Variants in LPP observed in about 807,000 individuals in gnomAD.
LPP encodes lipoma-preferred partner.
Under a neutral mutation model 60.4 loss-of-function variants are expected in LPP, and 38 were observed. The ratio of observed to expected loss-of-function variants is 0.63; its 90% CI spans 0.49 to 0.83. The LOEUF (loss-of-function observed/expected upper bound fraction) is 0.83, where lower values mean the gene tolerates loss of function less well. Among genes scored for constraint, LPP ranks in the 40% least tolerant of loss-of-function variants. The pLI is 0.00. For missense variants in LPP, 902 were observed against 783.6 expected, an observed-to-expected ratio of 1.15 and a Z score of -1.80; for synonymous variants, 328 against 290.8, an observed-to-expected ratio of 1.13 and a Z score of -1.30.
chr3:188,546,743 A>G (rs2150454985), intron 6 of LPP, among the ~76,000 whole-genome samples: 1 of 152,326 alleles, frequency 6.6e-6, no homozygotes, highest in East Asian at 1.9e-4. Flanking sequence ...TGATCTATTC[A>G]ATCAATTAAC....
chr3:188,193,321 G>A (rs950266773), intron 1 of LPP, among the ~76,000 whole-genome samples: 1 of 152,176 alleles, frequency 6.6e-6, no homozygotes, highest in Non-Finnish European at 1.5e-5. Context: ...CATGGACTGT[G>A]AGCTAGATTG....
At chr3:188,833,626 G>T (rs1272561222) in intron 9 of LPP, among the ~76,000 whole-genome samples, 1 of 152,088 alleles carries the variant, frequency 6.6e-6, no homozygotes, top group East Asian at 1.9e-4. Context: ...CAGTGTATCT[G>T]ACGAAAGATT....
At chr3:188,415,814 G>A (rs963999205) in intron 4 of LPP, among the ~76,000 whole-genome samples, 9 of 151,692 alleles carry the variant, frequency 5.9e-5, no homozygotes, top group African/African-American at 1.2e-4. Flanking sequence ...CAAAGAGGAC[G>A]CAGCAAGAGT....
intron 1 of LPP, among the ~76,000 whole-genome samples, chr3:188,189,856 G>A (rs371654519): frequency 2.2e-4 from 34 of 152,014 alleles, no homozygotes; most frequent in Admixed American, 8.5e-4. Context: ...GGTGGGGAAG[G>A]GTTTATTTTT....
chr3:188,640,422 G>GGC (rs1849829699), intron 7 of LPP, among the ~76,000 whole-genome samples: 1 of 148,258 alleles, frequency 6.7e-6, no homozygotes, highest in Non-Finnish European at 1.5e-5. Flanking sequence ...AATGCTAGAT[G>GGC]ACGAGTTAGT....
intron 6 of LPP, among the ~76,000 whole-genome samples, chr3:188,573,517 CATTGTCCCAGCGTTTCGGTAGATACT>C (rs1833963553): frequency 6.6e-6 from 1 of 152,080 alleles, no homozygotes; most frequent in Admixed American, 6.5e-5. Context: ...AGCAGAGGGG[CATTGTCCCAGCGTTTCGGTAGATACT>C]TCCTCCTTTG....
intron 1 of LPP, among the ~76,000 whole-genome samples, chr3:188,159,308 C>A (rs1342321855): frequency 3.3e-5 from 5 of 152,180 alleles, no homozygotes; most frequent in Admixed American, 3.3e-4. Flanking sequence ...TATCACCTAC[C>A]TGAGTCAGAT....
chr3:188,210,041 A>G lies in LPP; in HGVS notation c.-189-15364A>G, dbSNP rs552902024. 1.2e-4 allele frequency among the ~76,000 whole-genome samples: 19 copies of G among 152,068 alleles called. No homozygotes were observed. In the South Asian group the frequency reaches 3.3e-3, roughly 27 times the overall value. Reference sequence around the variant, plus strand: ...CTCTGTATCCATGGTTTCTGCATCCATGGATTCAACCAACCAAGGCTCGAA... The same window carrying G: ...CTCTGTATCCATGGTTTCTGCATCCGTGGATTCAACCAACCAAGGCTCGAA... On this transcript the variant is annotated intron_variant, in intron 1 of 11. Transcript: ENST00000617246.
intron 5 of LPP, among the ~76,000 whole-genome samples, chr3:188,500,385 C>T (rs1811479803): frequency 6.6e-6 from 1 of 151,848 alleles, no homozygotes; most frequent in African/African-American, 2.4e-5. Flanking sequence ...TAATATATAA[C>T]CTTGATTTGT....
intron 7 of LPP, among the ~76,000 whole-genome samples, chr3:188,645,222 C>A (rs777046618): frequency 2.0e-5 from 3 of 151,606 alleles, no homozygotes; most frequent in African/African-American, 4.8e-5. Context: ...ATTTCTAAAC[C>A]CTTGTCCTAC....
intron 4 of LPP, among the ~76,000 whole-genome samples, chr3:188,414,600 A>G (rs1025402631): frequency 7.2e-5 from 11 of 152,210 alleles, no homozygotes; most frequent in African/African-American, 2.4e-4. Context: ...TATAAACTGT[A>G]AAATTCTAGA....
At chr3:188,322,149 G>A (rs1446686255) in intron 2 of LPP, among the ~76,000 whole-genome samples, 1 of 152,140 alleles carries the variant, frequency 6.6e-6, no homozygotes, top group Non-Finnish European at 1.5e-5. Context: ...TTTTTCTGTG[G>A]CTTGATCCTT....
intron 4 of LPP, among the ~76,000 whole-genome samples, chr3:188,436,623 G>A (rs1792363795): frequency 6.6e-6 from 1 of 152,118 alleles, no homozygotes; most frequent in East Asian, 1.9e-4. Context: ...AAAAATGTAA[G>A]GCCTGGGATT....
intron 7 of LPP, among the ~76,000 whole-genome samples, chr3:188,645,111 A>G (rs1850866212): frequency 6.6e-6 from 1 of 152,188 alleles, no homozygotes; most frequent in African/African-American, 2.4e-5. Context: ...GTTACTGGTT[A>G]TTTTTATTAT....
At chr3:188,693,717 A>G (rs1862602714) in intron 7 of LPP, among the ~76,000 whole-genome samples, 1 of 152,168 alleles carries the variant, frequency 6.6e-6, no homozygotes, top group Non-Finnish European at 1.5e-5. Context: ...CCTCGCCGAG[A>G]ATAACAGCAA....
At chr3:188,391,449 ATAAGGATCTTGAGGGAGTTTG>A (rs1413243618) in intron 3 of LPP, among the ~76,000 whole-genome samples, 1 of 152,084 alleles carries the variant, frequency 6.6e-6, no homozygotes, top group African/African-American at 2.4e-5. Context: ...ATTATTGCCC[ATAAGGATCTTGAGGGAGTTTG>A]TAAGGATCTT....
chr3:188,224,967 T>G (rs772688067), intron 1 of LPP, among the ~76,000 whole-genome samples: 12 of 152,176 alleles, frequency 7.9e-5, no homozygotes, highest in Non-Finnish European at 1.5e-4. Flanking sequence ...TGTTTATCCC[T>G]CTGCTGCTCA....
intron 6 of LPP, among the ~76,000 whole-genome samples, chr3:188,583,739 T>C (rs1159872758): frequency 6.6e-6 from 1 of 152,222 alleles, no homozygotes; most frequent in Non-Finnish European, 1.5e-5. Flanking sequence ...ATGTTTATAG[T>C]GTGACTGTCT....
intron 5 of LPP, among the ~76,000 whole-genome samples, chr3:188,517,278 T>A (rs1476249233): frequency 6.6e-6 from 1 of 152,214 alleles, no homozygotes; most frequent in African/African-American, 2.4e-5. Flanking sequence ...TTAGGGATAC[T>A]TTGAGGAAAT....
Sources: gnomAD v4.1 joint callset for allele counts (sites outside exome capture counted in the v4.1 genomes callset) on GRCh38, gnomAD v4.1.1 for gene constraint, MANE v1.5 for transcripts, NCBI Gene and HGNC (gene_info 2026-07-23, HGNC 2026-07-21) for gene names.